PTK7: variants seen among roughly 807,000 people sequenced by gnomAD.
The protein encoded by PTK7 is inactive tyrosine-protein kinase 7.
PTK7 carries 39 observed loss-of-function variants against 116.6 expected under a neutral mutation model. The ratio of observed to expected loss-of-function variants is 0.33; its 90% confidence interval spans 0.26 to 0.44. PTK7 has a LOEUF of 0.44. PTK7 is among the 20% of genes least tolerant of loss of function. PTK7 has a pLI of 1.00. For synonymous variants in PTK7, 546 were observed against 563.6 expected (o/e 0.97, Z 0.44); for missense variants, 1,169 against 1,425.6 (o/e 0.82, Z 2.90).
chr6:43,093,534 G>A (rs1053474599), intron 1 of PTK7, among the ~76,000 whole-genome samples: 1 of 152,028 alleles, frequency 6.6e-6, no homozygotes, highest in Non-Finnish European at 1.5e-5. Flanking sequence ...ATGGAGACCT[G>A]GGTCAGGCAG....
chr6:43,103,782 A>T (rs1767712404), intron 1 of PTK7, among the ~76,000 whole-genome samples: 1 of 152,206 alleles, frequency 6.6e-6, no homozygotes, highest in East Asian at 1.9e-4. Context: ...GCTGTCTGGC[A>T]ACTATTCCTG....
In PTK7 at chr6:43,098,433, G is replaced by A. The variant is rs570517781; in HGVS notation, c.79+21866G>A. Among the ~76,000 whole-genome samples, 14 of 151,248 alleles carry A rather than the reference G, an allele frequency of 9.3e-5. No individual in the cohort carries two copies. The South Asian group carries it at 2.9e-3, about 31-fold the overall frequency. On this transcript the variant is annotated intron_variant, in intron 1 of 19. Coordinates refer to ENST00000230419, the MANE Select transcript of PTK7 (RefSeq NM_002821.5). The stretch of plus-strand genomic sequence containing the variant: ...TGTAGTGGTGCAATTTCAGCTCACT[G>A]CAACCTCTTCCTCCTGGGTTCAAGC...
intron 1 of PTK7, among the ~76,000 whole-genome samples, chr6:43,115,786 A>G (rs771052171): frequency 2.6e-5 from 4 of 151,900 alleles, no homozygotes; most frequent in Non-Finnish European, 5.9e-5. Flanking sequence ...AAAATACAAA[A>G]ATTAGCCTGG....
intron 1 of PTK7, among the ~76,000 whole-genome samples, chr6:43,092,656 A>G (rs752097123): frequency 2.0e-5 from 3 of 152,192 alleles, no homozygotes; most frequent in Non-Finnish European, 4.4e-5. Flanking sequence ...GTGCACATAA[A>G]TAATGGAGCA....
intron 17 of PTK7, among the ~76,000 whole-genome samples, chr6:43,156,228 CAAAAAAAAAAAA>C (rs5875828): frequency 6.3e-5 from 3 of 47,296 alleles, no homozygotes; most frequent in East Asian, 6.0e-4. Context: ...TACCCTGTCT[CAAAAAAAAAAAA>C]AAAAAAAAAA....
chr6:43,155,496 T>C (rs568356456), intron 17 of PTK7, among the ~76,000 whole-genome samples: 1 of 152,040 alleles, frequency 6.6e-6, no homozygotes, highest in Non-Finnish European at 1.5e-5. Context: ...ATACAAAAGT[T>C]AGCTGGGCGT....
intron 17 of PTK7, among the ~76,000 whole-genome samples, chr6:43,154,359 A>G (rs1003884768): frequency 1.3e-5 from 2 of 152,254 alleles, no homozygotes; most frequent in South Asian, 4.1e-4. Context: ...AATTAAATTT[A>G]AATAGCCACA....
intron 1 of PTK7, among the ~76,000 whole-genome samples, chr6:43,092,535 G>A (rs1405883657): frequency 6.6e-6 from 1 of 152,132 alleles, no homozygotes; most frequent in Admixed American, 6.5e-5. Context: ...GTTACTACCT[G>A]AGGTTTTAGG....
rs1245995647 is a variant in PTK7 at position 43,138,915 on chromosome 6, A to G, written c.1295A>G (p.Asp432Gly). ...QLEEGKPGYL[D>G]CLTQATPKPT... ...GAGGAGGGCAAACCCGGCTACTTGG[A>G]TTGCCTGACCCAGGCCACACCAAAA... The change falls in exon 8 of 20, where the codon GAT becomes GGT. Residue 432 changes from aspartate to glycine, a missense_variant. Around this residue, in one of 3 missense-constraint regions of PTK7, gnomAD observed 678 missense variants for 853.8 expected, o/e 0.79. Transcript: ENST00000230419. 6.2e-7 allele frequency: 1 copy of G among 1,614,068 alleles called. No homozygotes were observed. The highest frequency in any genetic ancestry group is 8.5e-7 in the Non-Finnish European group (1 of 1,180,034).
chr6:43,095,820 C>T (rs888588148), intron 1 of PTK7, among the ~76,000 whole-genome samples: 15 of 152,136 alleles, frequency 9.9e-5, no homozygotes, highest in Admixed American at 3.3e-4. Flanking sequence ...TTTTTGGAGG[C>T]CCTCTAAGAT....
chr6:43,150,787 CTTTTTTTTTTTTT>C (rs1176963526), intron 17 of PTK7, among the ~76,000 whole-genome samples: 4 of 60,742 alleles, frequency 6.6e-5, no homozygotes, highest in South Asian at 7.1e-4. Flanking sequence ...GTAGACTCAG[CTTTTTTTTTTTTT>C]TTTTTTTTTT....
chr6:43,114,097 A>G (rs900924648), intron 1 of PTK7, among the ~76,000 whole-genome samples: 1 of 152,174 alleles, frequency 6.6e-6, no homozygotes, highest in Non-Finnish European at 1.5e-5. Flanking sequence ...CTAGAAACAC[A>G]GGACAGACCT....
chr6:43,083,520 G>A (rs1582053727), intron 1 of PTK7, among the ~76,000 whole-genome samples: 1 of 152,224 alleles, frequency 6.6e-6, no homozygotes, highest in Non-Finnish European at 1.5e-5. Flanking sequence ...GTTTGAGGAA[G>A]CCCTCTGTAG....
In PTK7 at chr6:43,141,006, G is replaced by A. The variant is rs1317358242; in HGVS notation, c.1619-662G>A. 1.3e-5 allele frequency among the ~76,000 whole-genome samples: 2 copies of A among 151,718 alleles called. No homozygotes were observed. The highest frequency in any genetic ancestry group is 4.9e-5 in the African/African-American group (2 of 41,216). On this transcript the variant is annotated intron_variant, in intron 10 of 19. Coordinates refer to ENST00000230419, the MANE Select transcript of PTK7 (RefSeq NM_002821.5). This position sits in a 1 kb window ranked among gnomAD's most constrained non-coding sequence, Gnocchi z 4.9. Reference sequence around the variant, plus strand: ...TTTACTTAACTGTTCCTTAAATGTTGGAGATTTGGGTTGTTAACCAGCCAC... The same window carrying A: ...TTTACTTAACTGTTCCTTAAATGTTAGAGATTTGGGTTGTTAACCAGCCAC...
At chr6:43,116,653 C>CGT (rs1388689305) in intron 1 of PTK7, among the ~76,000 whole-genome samples, 2 of 87,712 alleles carry the variant, frequency 2.3e-5, no homozygotes, top group Non-Finnish European at 4.7e-5. Flanking sequence ...TGTGTGTGTG[C>CGT]GCGCGCACGC....
chr6:43,105,193 T>C (rs749263399), intron 1 of PTK7, among the ~76,000 whole-genome samples: 1 of 151,674 alleles, frequency 6.6e-6, no homozygotes, highest in Non-Finnish European at 1.5e-5. Flanking sequence ...TCTCTTTGTT[T>C]CCATTCTCTT....
At chr6:43,113,003 C>T (rs7776045) in intron 1 of PTK7, among the ~76,000 whole-genome samples, 69,609 of 151,856 alleles carry the variant, frequency 0.46, 16,667 homozygotes, top group African/African-American at 0.61. Flanking sequence ...TAATTTTTTT[C>T]TTCTTTTAGA....
intron 1 of PTK7, among the ~76,000 whole-genome samples, chr6:43,110,750 A>G (rs890192207): frequency 6.6e-6 from 1 of 152,174 alleles, no homozygotes; most frequent in South Asian, 2.1e-4. Context: ...TACTTTTCAT[A>G]TATCAAGGCC....
At chr6:43,127,176 G>A (rs192465351) in intron 1 of PTK7, among the ~76,000 whole-genome samples, 1 of 152,374 alleles carries the variant, frequency 6.6e-6, no homozygotes, top group East Asian at 1.9e-4. Flanking sequence ...GACTCCGTTA[G>A]TACCTTTCTG....
Sources: allele counts gnomAD v4.1 joint callset (sites outside exome capture counted in the v4.1 genomes callset), GRCh38; gene constraint gnomAD v4.1.1; regional missense constraint gnomAD v4.1.1; non-coding constraint Gnocchi (gnomAD v3.1); transcripts MANE v1.5; gene names NCBI Gene and HGNC (gene_info 2026-07-23, HGNC 2026-07-21).